The following UBAP2 variants were observed in gnomAD, a reference collection of about 807,000 sequenced individuals.
The protein encoded by UBAP2 is ubiquitin-associated protein 2.
Under a neutral mutation model 139.6 loss-of-function variants are expected in UBAP2, and 75 were observed. That is an observed-to-expected ratio of 0.54 (90% CI 0.45 to 0.65). The LOEUF (loss-of-function observed/expected upper bound fraction) is 0.65. Among genes scored for constraint, UBAP2 ranks in the 30% least tolerant of loss-of-function variants. UBAP2 has a pLI of 0.00. For synonymous variants in UBAP2, 526 were observed against 526.2 expected, an observed-to-expected ratio of 1.00 and a Z score of 0.01; for missense variants, 1,368 against 1,369.6, an observed-to-expected ratio of 1.00 and a Z score of 0.02.
At chr9:34,042,771 C>CTT in intron 1 of UBAP2, among the ~76,000 whole-genome samples, 1 of 146,988 alleles carries the variant, frequency 6.8e-6, no homozygotes, top group African/African-American at 2.5e-5. Flanking sequence ...GTTCATTTTA[C>CTT]TTTTTTTTTT....
At chr9:34,024,131 GCTGGA>G (rs1186520092) in intron 1 of UBAP2, among the ~76,000 whole-genome samples, 3 of 152,086 alleles carry the variant, frequency 2.0e-5, no homozygotes, top group African/African-American at 7.2e-5. Flanking sequence ...GGCCGAGCCG[GCTGGA>G]TCACCTGAGG....
intron 6 of UBAP2, among the ~76,000 whole-genome samples, 160 bp downstream of exon 6, chr9:33,986,600 A>C (rs1231263579): frequency 6.6e-6 from 1 of 152,162 alleles, no homozygotes; most frequent in African/African-American, 2.4e-5. Context: ...ACATAACCCA[A>C]AATAGTTCAT....
At chr9:34,045,956 G>A (rs1827543374) in intron 1 of UBAP2, among the ~76,000 whole-genome samples, 1 of 152,096 alleles carries the variant, frequency 6.6e-6, no homozygotes, top group Non-Finnish European at 1.5e-5. Context: ...AAAAACGGCT[G>A]CTTCTAAAAT....
At chr9:34,030,174 G>A (rs558472851) in intron 1 of UBAP2, among the ~76,000 whole-genome samples, 28 of 152,036 alleles carry the variant, frequency 1.8e-4, no homozygotes, top group African/African-American at 5.8e-4. Flanking sequence ...AGCCGGGCGC[G>A]GTGGCTCACG....
At chr9:34,044,168 C>T (rs982748525) in intron 1 of UBAP2, among the ~76,000 whole-genome samples, 13 of 150,412 alleles carry the variant, frequency 8.6e-5, no homozygotes, top group Non-Finnish European at 1.6e-4. Context: ...GAGGCCGAGG[C>T]GGGCAGATCA....
chr9:33,924,622 T>C (rs1412633684), intron 22 of UBAP2, among the ~76,000 whole-genome samples: 2 of 152,066 alleles, frequency 1.3e-5, no homozygotes, highest in Non-Finnish European at 2.9e-5. Context: ...TGTGAGAGAC[T>C]AGAGCAGCTA....
chr9:33,938,834 T>G (rs1824828663), intron 16 of UBAP2: 1 of 409,498 alleles, frequency 2.4e-6, no homozygotes, highest in African/African-American at 2.2e-5. Flanking sequence ...GAAATTTCCA[T>G]AGTTCACATG....
intron 1 of UBAP2, among the ~76,000 whole-genome samples, chr9:34,019,346 T>C (rs1366188223): frequency 6.6e-6 from 1 of 151,966 alleles, no homozygotes; most frequent in African/African-American, 2.4e-5. Context: ...GAGGTTGCAG[T>C]GAGCCAAGGT....
At chr9:34,022,547 C>T (rs913384249) in intron 1 of UBAP2, among the ~76,000 whole-genome samples, 2 of 151,506 alleles carry the variant, frequency 1.3e-5, no homozygotes, top group Non-Finnish European at 2.9e-5. Context: ...GTGATTCTCC[C>T]ACCTCAGCCT....
At chr9:33,993,529 AAGC>A (rs1821892026) in intron 4 of UBAP2, among the ~76,000 whole-genome samples, 2 of 152,202 alleles carry the variant, frequency 1.3e-5, no homozygotes, top group Non-Finnish European at 2.9e-5. Flanking sequence ...ATGATTAGCC[AAGC>A]GTAGTGGCAT....
intron 16 of UBAP2, among the ~76,000 whole-genome samples, chr9:33,939,604 A>G (rs572571312): frequency 6.7e-5 from 10 of 149,530 alleles, no homozygotes; most frequent in African/African-American, 2.5e-4. Context: ...CAAAAAAATT[A>G]GCCAGGTATG....
chr9:34,016,370 C>CGGCGGCGGCGGTGGTGGTGGTGGT (rs1321174650), intron 2 of UBAP2, among the ~76,000 whole-genome samples: 6 of 93,690 alleles, frequency 6.4e-5, no homozygotes, highest in African/African-American at 2.9e-4. Flanking sequence ...GCGGCAGCGG[C>CGGCGGCGGCGGTGGTGGTGGTGGT]GGTGGTGGTG....
chr9:33,977,525 T>C (rs1025885125), intron 6 of UBAP2, among the ~76,000 whole-genome samples: 2 of 152,058 alleles, frequency 1.3e-5, no homozygotes, highest in Non-Finnish European at 2.9e-5. Context: ...AGAATAAAGA[T>C]CCAGAGTCTT....
At chr9:34,036,005 A>G (rs1826334501) in intron 1 of UBAP2, among the ~76,000 whole-genome samples, 1 of 152,122 alleles carries the variant, frequency 6.6e-6, no homozygotes, top group South Asian at 2.1e-4. Context: ...CCTGTCTCAA[A>G]CAAAATAGAA....
intron 12 of UBAP2, chr9:33,948,848 A>G (rs28639766): frequency 5.1e-6 from 2 of 392,532 alleles, no homozygotes; most frequent in East Asian, 4.7e-5. Flanking sequence ...GAAGAAATCA[A>G]TTTTTAAAAA....
intron 1 of UBAP2, among the ~76,000 whole-genome samples, chr9:34,038,179 G>A (rs7865472): frequency 0.13 from 19,006 of 146,826 alleles, 1,557 homozygotes; most frequent in African/African-American, 0.23. Context: ...GGTCGGGCGC[G>A]GTGGCTCCTG....
At chr9:33,926,200 C>G (rs1215178189) in intron 22 of UBAP2, among the ~76,000 whole-genome samples, 1 of 152,186 alleles carries the variant, frequency 6.6e-6, no homozygotes, top group African/African-American at 2.4e-5. Context: ...CTGGCCATCT[C>G]AGACCAAAGA....
chr9:34,003,441 G>A (rs1169164218), intron 2 of UBAP2, among the ~76,000 whole-genome samples: 12 of 149,740 alleles, frequency 8.0e-5, no homozygotes, highest in African/African-American at 2.5e-4. Flanking sequence ...GCGTGATCGC[G>A]ACTCACTGCA....
chr9:33,936,034 T>TG (rs1158827723), intron 16 of UBAP2, among the ~76,000 whole-genome samples, 156 bp from the exon 17 acceptor site: 2 of 152,208 alleles, frequency 1.3e-5, no homozygotes, highest in African/African-American at 4.8e-5. Flanking sequence ...CAAACTCTCA[T>TG]GCAAGAACAA....
Sources: gnomAD v4.1 joint callset for allele counts (sites outside exome capture counted in the v4.1 genomes callset) on GRCh38, gnomAD v4.1.1 for gene constraint, MANE v1.5 for transcripts, NCBI Gene and HGNC (gene_info 2026-07-23, HGNC 2026-07-21) for gene names.